IRAK1BP1: variants seen among roughly 807,000 people sequenced by gnomAD.
IRAK1BP1 encodes the protein interleukin-1 receptor-associated kinase 1-binding protein 1.
In IRAK1BP1, 24 loss-of-function variants were observed where a neutral mutation model predicts 28.0. The observed-to-expected ratio is 0.86, with a 90% confidence interval of 0.62 to 1.20. The LOEUF is 1.20. IRAK1BP1 is among the 50% of genes most tolerant of loss of function. The pLI is 0.00. For synonymous variants in IRAK1BP1, 131 were observed against 116.3 expected (o/e 1.13, Z -0.81); for missense variants, 336 against 316.7 (o/e 1.06, Z -0.46).
intron 1 of IRAK1BP1, among the ~76,000 whole-genome samples, chr6:78,879,461 G>T (rs139997469): frequency 2.0e-5 from 3 of 152,014 alleles, no homozygotes; most frequent in Non-Finnish European, 4.4e-5. Flanking sequence ...GAAGCAATTC[G>T]ATAAAGAAAG....
At chr6:78,946,660 T>C, downstream of IRAK1BP1, 1 of 1,480,928 alleles carries the variant, frequency 6.8e-7, no homozygotes, top group Non-Finnish European at 8.9e-7. Flanking sequence ...AGTTCTATCA[T>C]TTAGATGAAA....
chr6:78,968,847 C>T, the IRAK1BP1 span, among the ~76,000 whole-genome samples: 598 of 151,350 alleles, frequency 4.0e-3, 2 homozygotes, highest in Non-Finnish European at 5.7e-3. Context: ...TAATTTTCCA[C>T]AAAGACAAAC....
the IRAK1BP1 span, among the ~76,000 whole-genome samples, chr6:78,964,993 T>C: frequency 1.2e-4 from 19 of 152,262 alleles, no homozygotes; most frequent in African/African-American, 4.3e-4. Context: ...AAAGAAAATA[T>C]AATCTCCAGG....
intron 1 of IRAK1BP1, among the ~76,000 whole-genome samples, chr6:78,870,965 A>G (rs543520603): frequency 1.3e-5 from 2 of 152,116 alleles, no homozygotes; most frequent in African/African-American, 2.4e-5. Flanking sequence ...CAACCTCCCA[A>G]AATGCTGGGA....
chr6:78,967,093 T>G, the IRAK1BP1 span, among the ~76,000 whole-genome samples: 4 of 152,228 alleles, frequency 2.6e-5, no homozygotes, highest in Admixed American at 2.0e-4. Flanking sequence ...AAGAGAAAAG[T>G]AGTTATGTTC....
chr6:78,920,301 G>T (rs1772688496), intron 4 of IRAK1BP1, among the ~76,000 whole-genome samples: 1 of 151,962 alleles, frequency 6.6e-6, no homozygotes, highest in Non-Finnish European at 1.5e-5. Context: ...AAACTCATAT[G>T]GAACCAAAAA....
intron 4 of IRAK1BP1, among the ~76,000 whole-genome samples, chr6:78,926,318 T>G (rs968651435): frequency 6.6e-6 from 1 of 152,218 alleles, no homozygotes; most frequent in Non-Finnish European, 1.5e-5. Flanking sequence ...ATCCCATTAC[T>G]GGGTATATAT....
chr6:78,958,496 T>A, the IRAK1BP1 span: 1 of 1,541,686 alleles, frequency 6.5e-7, no homozygotes. Context: ...TAGAAGAAGA[T>A]CAGTCACGAA....
the IRAK1BP1 span, among the ~76,000 whole-genome samples, chr6:78,963,828 T>C: frequency 6.6e-6 from 1 of 152,216 alleles, no homozygotes; most frequent in Non-Finnish European, 1.5e-5. Context: ...TGCTAGGTAA[T>C]TTTTCCTTTA....
At chr6:78,938,775 G>A (rs2127675531) in intron 4 of IRAK1BP1, 1 of 151,654 alleles carries the variant, frequency 6.6e-6, no homozygotes, top group South Asian at 2.1e-4. Context: ...GTCAAGATCT[G>A]GAAAATGGTT....
the IRAK1BP1 span, among the ~76,000 whole-genome samples, chr6:78,953,747 G>A: frequency 3.2e-3 from 488 of 151,984 alleles, 3 homozygotes; most frequent in African/African-American, 0.011. Context: ...AAATTAGCCC[G>A]GCTAATTTTT....
At chr6:78,972,753 C>G in the IRAK1BP1 span, among the ~76,000 whole-genome samples, 2 of 151,772 alleles carry the variant, frequency 1.3e-5, no homozygotes, top group Non-Finnish European at 2.9e-5. Context: ...GGAGCCGATG[C>G]GATGAACTGG....
At position 78,881,063 on chromosome 6, in the gene IRAK1BP1, T is replaced by C. The variant is rs147944062; in HGVS notation, c.316-4315T>C. ...GAAAACGTAAGTACATATAAGAATC[T>C]GTACACAAATGTTTATAGCAGCTTT... On this transcript the variant is annotated intron_variant, in intron 1 of 3. Coordinates refer to ENST00000369940, the MANE Select transcript of IRAK1BP1 (RefSeq NM_001010844.4). 5.6e-3 allele frequency among the ~76,000 whole-genome samples: 854 copies of C among 152,288 alleles called. 6 individuals carry two copies. Among genetic ancestry groups the C allele is most frequent in the African/African-American group, 0.02 (827 of 41,556 alleles).
chr6:78,975,194 C>T, the IRAK1BP1 span, among the ~76,000 whole-genome samples: 1 of 151,914 alleles, frequency 6.6e-6, no homozygotes, highest in Non-Finnish European at 1.5e-5. Flanking sequence ...TGGGCTTCAT[C>T]CCTGGGATGC....
intron 2 of IRAK1BP1, among the ~76,000 whole-genome samples, chr6:78,897,256 T>TAAAAAAAA (rs749859007): frequency 1.8e-5 from 2 of 111,002 alleles, no homozygotes; most frequent in African/African-American, 7.0e-5. Flanking sequence ...TTGTCTCTCT[T>TAAAAAAAA]AAAAAAAAAA....
the IRAK1BP1 span, chr6:78,970,851 T>C: frequency 1.2e-6 from 2 of 1,611,668 alleles, no homozygotes; most frequent in Non-Finnish European, 8.5e-7. Flanking sequence ...CCGGGCCATT[T>C]CGACATAGGC....
intron 4 of IRAK1BP1, among the ~76,000 whole-genome samples, chr6:78,922,254 G>T (rs1772756059): frequency 6.6e-6 from 1 of 152,202 alleles, no homozygotes; most frequent in Non-Finnish European, 1.5e-5. Context: ...TGAAAACCAT[G>T]GCACGAGAAC....
chr6:78,891,200 C>T (rs992973430), intron 2 of IRAK1BP1, among the ~76,000 whole-genome samples: 1 of 152,158 alleles, frequency 6.6e-6, no homozygotes, highest in Non-Finnish European at 1.5e-5. Flanking sequence ...TGATTATTAA[C>T]TCCCAGGAAT....
chr6:78,954,955 C>A, the IRAK1BP1 span: 5 of 1,555,074 alleles, frequency 3.2e-6, no homozygotes, highest in Non-Finnish European at 3.5e-6. Flanking sequence ...TTCTTCTAGG[C>A]TGATGGTCCT....
Sources: gnomAD v4.1 joint callset for allele counts (sites outside exome capture counted in the v4.1 genomes callset) on GRCh38, gnomAD v4.1.1 for gene constraint, MANE v1.5 for transcripts, NCBI Gene and HGNC (gene_info 2026-07-23, HGNC 2026-07-21) for gene names.